Variants in TMEM132D observed in about 807,000 individuals in gnomAD.
TMEM132D encodes transmembrane protein 132D.
Under a neutral mutation model 62.3 loss-of-function variants are expected in TMEM132D, and 21 were observed. That is an observed-to-expected ratio of 0.34 (90% CI 0.24 to 0.49). The LOEUF (loss-of-function observed/expected upper bound fraction) is 0.49, where lower values mean the gene tolerates loss of function less well. TMEM132D is among the 20% of genes least tolerant of loss of function. The pLI is 0.99. For synonymous variants in TMEM132D, 621 were observed against 575.6 expected (o/e 1.08, Z -1.13); for missense variants, 1,346 against 1,402.8 (o/e 0.96, Z 0.65).
At chr12:129,303,017 A>C (rs1401100126) in intron 4 of TMEM132D, among the ~76,000 whole-genome samples, 3 of 152,160 alleles carry the variant, frequency 2.0e-5, no homozygotes, top group African/African-American at 7.2e-5. Context: ...CTCCACTTAC[A>C]AGCACGGGTC....
At chr12:129,424,364 T>G (rs1872425562) in intron 3 of TMEM132D, among the ~76,000 whole-genome samples, 1 of 152,182 alleles carries the variant, frequency 6.6e-6, no homozygotes, top group Admixed American at 6.5e-5. Flanking sequence ...ACATCCTCTT[T>G]TCCTTCTCCA....
At chr12:129,318,716 A>G (rs933133687) in intron 4 of TMEM132D, among the ~76,000 whole-genome samples, 1 of 152,052 alleles carries the variant, frequency 6.6e-6, no homozygotes, top group Non-Finnish European at 1.5e-5. Context: ...ACCAGGGTGG[A>G]TAGGGAAGGA....
At chr12:129,719,916 G>A (rs11060508) in intron 1 of TMEM132D, among the ~76,000 whole-genome samples, 78,229 of 151,854 alleles carry the variant, frequency 0.52, 20,570 homozygotes, top group Middle Eastern at 0.63. Flanking sequence ...GCTATTTAAC[G>A]GCTGGAATTT....
Position 129,084,589 on chromosome 12 carries a change from C to T in TMEM132D, c.1557G>A (p.Val519=), listed in dbSNP as rs770909071. ...QHLSSPLEMT[V]WVPRLPLQIE... ...TCTGCAGCGGAAGCCGGGGCACCCA[C>T]ACCGTCATCTCCAGGGGGCTGCTCA... is the stretch of plus-strand genomic sequence containing the variant. Residue 519 remains valine, a synonymous_variant, in exon 6 of 9, where the codon GTG becomes GTA. Coordinates refer to ENST00000422113, the MANE Select transcript of TMEM132D (RefSeq NM_133448.3). 1.2e-6 allele frequency: 2 copies of T among 1,614,136 alleles called. No homozygotes were observed. Among genetic ancestry groups the T allele is most frequent in the East Asian group, 2.2e-5 (1 of 44,880 alleles).
In TMEM132D at chr12:129,463,631, C is replaced by G. The variant is rs992940217; in HGVS notation, c.1115+67428G>C. 3.3e-5 allele frequency among the ~76,000 whole-genome samples: 5 copies of G among 151,780 alleles called. No homozygotes were observed. The South Asian group carries it at 8.4e-4, about 25-fold the overall frequency. On this transcript the variant is annotated intron_variant, in intron 3 of 8. Transcript: ENST00000422113. ...TAATGCCATCCCTCCCCGCTCCCCC[C>G]ACCCCACAACAGGCCCCGATGTGTG...
At chr12:129,885,602 T>A (rs917272735) in intron 1 of TMEM132D, among the ~76,000 whole-genome samples, 1 of 152,216 alleles carries the variant, frequency 6.6e-6, no homozygotes, top group East Asian at 1.9e-4. Flanking sequence ...AACAATGGTC[T>A]TCCCACACTA....
intron 1 of TMEM132D, among the ~76,000 whole-genome samples, chr12:129,755,841 C>T (rs1257896262): frequency 6.6e-6 from 1 of 152,166 alleles, no homozygotes; most frequent in Non-Finnish European, 1.5e-5. Context: ...CCCCATCTAT[C>T]GTCTTAGAGT....
intron 2 of TMEM132D, among the ~76,000 whole-genome samples, chr12:129,533,765 T>C (rs997387685): frequency 2.4e-4 from 36 of 152,152 alleles, no homozygotes; most frequent in Non-Finnish European, 1.5e-5. Flanking sequence ...AAAAATGTTT[T>C]TTCCTGGAAT....
intron 2 of TMEM132D, among the ~76,000 whole-genome samples, chr12:129,578,548 T>C (rs1444243111): frequency 1.3e-5 from 2 of 151,902 alleles, no homozygotes; most frequent in African/African-American, 4.8e-5. Context: ...TGTGTACGTA[T>C]ATATATAAAT....
chr12:129,532,488 G>T (rs1360196699), intron 2 of TMEM132D, among the ~76,000 whole-genome samples: 2 of 152,200 alleles, frequency 1.3e-5, no homozygotes, highest in Admixed American at 6.5e-5. Context: ...GGACACGTCT[G>T]TCCCTAACAC....
In TMEM132D at chr12:129,723,644, G is replaced by C. The variant is rs150255630; in HGVS notation, c.80-22946C>G. Among the ~76,000 whole-genome samples the C allele has an allele frequency of 6.2e-3, 946 of 152,312 alleles. 9 individuals are homozygous for C. The highest frequency in any genetic ancestry group is 0.02 in the African/African-American group (837 of 41,568). ...GTCTGTGATGCAGCTCCCTGACCTT[G>C]TCCCGACCCTTGCTCACAGGGCTAA... On this transcript the variant is annotated intron_variant, in intron 1 of 8. Coordinates refer to ENST00000422113, the MANE Select transcript of TMEM132D (RefSeq NM_133448.3).
intron 2 of TMEM132D, among the ~76,000 whole-genome samples, chr12:129,617,824 A>T (rs1002090016): frequency 1.3e-5 from 2 of 151,246 alleles, no homozygotes; most frequent in Admixed American, 6.6e-5. Context: ...TAATCTAATC[A>T]CCTCCCAGGG....
intron 3 of TMEM132D, among the ~76,000 whole-genome samples, chr12:129,432,190 GATGGATGGATGGTTGC>G (rs1872675900): frequency 1.3e-5 from 2 of 150,830 alleles, no homozygotes; most frequent in Non-Finnish European, 3.0e-5. Context: ...TGGATGGATG[GATGGATGGATGGTTGC>G]ATGGATGGAT....
At chr12:129,642,783 A>C (rs980908235) in intron 2 of TMEM132D, among the ~76,000 whole-genome samples, 1 of 151,602 alleles carries the variant, frequency 6.6e-6, no homozygotes, top group African/African-American at 2.4e-5. Flanking sequence ...CTGTTAGAAA[A>C]CTCTTCGCTT....
At chr12:129,425,274 A>G (rs1324929975) in intron 3 of TMEM132D, among the ~76,000 whole-genome samples, 1 of 152,142 alleles carries the variant, frequency 6.6e-6, no homozygotes, top group African/African-American at 2.4e-5. Context: ...CTAGCACTTG[A>G]AACTGCTGGC....
intron 1 of TMEM132D, among the ~76,000 whole-genome samples, chr12:129,815,583 C>A (rs979359200): frequency 6.6e-6 from 1 of 152,178 alleles, no homozygotes; most frequent in African/African-American, 2.4e-5. Flanking sequence ...CAGACCATTG[C>A]AAGCACATCT....
At chr12:129,169,747 T>G (rs1877668124) in intron 5 of TMEM132D, among the ~76,000 whole-genome samples, 1 of 152,226 alleles carries the variant, frequency 6.6e-6, no homozygotes, top group African/African-American at 2.4e-5. Context: ...TGAATTGTAC[T>G]GCAGGGGCCA....
intron 1 of TMEM132D, among the ~76,000 whole-genome samples, chr12:129,761,772 G>T (rs1038089681): frequency 1.1e-4 from 16 of 152,038 alleles, no homozygotes; most frequent in Admixed American, 8.5e-4. Flanking sequence ...TCCAACTTCT[G>T]TTGGAAGCTA....
intron 2 of TMEM132D, among the ~76,000 whole-genome samples, chr12:129,606,705 T>C (rs1878634217): frequency 6.6e-6 from 1 of 152,154 alleles, no homozygotes; most frequent in South Asian, 2.1e-4. Flanking sequence ...AAGTTACTTG[T>C]AACTGAGATA....
Sources: allele counts gnomAD v4.1 joint callset (sites outside exome capture counted in the v4.1 genomes callset), GRCh38; gene constraint gnomAD v4.1.1; transcripts MANE v1.5; gene names NCBI Gene and HGNC (gene_info 2026-07-23, HGNC 2026-07-21).